The following MTFR1 variants were observed in gnomAD, a reference collection of about 807,000 sequenced individuals.
The protein encoded by MTFR1 is chondrocyte protein with a poly-proline region.
In MTFR1, 28 loss-of-function variants were observed where a neutral mutation model predicts 38.8. That is an observed-to-expected ratio of 0.72 (90% CI 0.53 to 0.99). The LOEUF is 0.99. Ranked by LOEUF, MTFR1 falls within the 50% of genes least tolerant of loss-of-function variation. The pLI, the probability that MTFR1 is intolerant of heterozygous loss-of-function variation, is 0.00. For synonymous variants in MTFR1, 145 were observed against 137.0 expected (o/e 1.06, Z -0.41); for missense variants, 358 against 395.5 (o/e 0.91, Z 0.81).
chr8:65,743,840 T>C (rs1754718605), intron 3 of MTFR1, among the ~76,000 whole-genome samples: 1 of 113,212 alleles, frequency 8.8e-6, no homozygotes, highest in African/African-American at 2.8e-5. Flanking sequence ...GCTGAATTGC[T>C]TTTTTTTTTT....
chr8:65,735,002 G>T, intron 3 of MTFR1: 1 of 717,008 alleles, frequency 1.4e-6, no homozygotes, highest in Non-Finnish European at 2.5e-6. Context: ...TGTAGCTATC[G>T]GCTAAAATCG....
chr8:65,713,481 CACAA>C (rs1202056083), downstream of MTFR1, among the ~76,000 whole-genome samples: 152 of 129,780 alleles, frequency 1.2e-3, no homozygotes, highest in Non-Finnish European at 1.1e-3. Flanking sequence ...CACACACACA[CACAA>C]ACAAAACAAA....
intron 3 of MTFR1, among the ~76,000 whole-genome samples, chr8:65,729,048 AAAGAC>A (rs1460623735): frequency 6.6e-6 from 1 of 152,318 alleles, no homozygotes; most frequent in South Asian, 2.1e-4. Flanking sequence ...ATATTATAAC[AAAGAC>A]AAGGACTTCA....
chr8:65,750,422 CTGTGTGT>C, intron 3 of MTFR1, among the ~76,000 whole-genome samples: 1 of 150,396 alleles, frequency 6.6e-6, no homozygotes, highest in African/African-American at 2.5e-5. Flanking sequence ...ATTAGGATTG[CTGTGTGT>C]GTGTATTAGG....
chr8:65,700,667 G>A (rs1212312188), intron 4 of MTFR1, among the ~76,000 whole-genome samples: 1 of 152,166 alleles, frequency 6.6e-6, no homozygotes, highest in Non-Finnish European at 1.5e-5. Context: ...AAATCACTAA[G>A]CCAAAGGGAA....
intron 4 of MTFR1, among the ~76,000 whole-genome samples, chr8:65,696,526 T>C (rs1051767937): frequency 6.6e-6 from 1 of 152,190 alleles, no homozygotes; most frequent in Non-Finnish European, 1.5e-5. Flanking sequence ...CCAGTTGCCC[T>C]GTTATAGCCA....
At chr8:65,730,908 G>A (rs2128895446) in intron 3 of MTFR1, among the ~76,000 whole-genome samples, 2 of 152,306 alleles carry the variant, frequency 1.3e-5, no homozygotes, top group South Asian at 4.1e-4. Flanking sequence ...GGGCGACAGA[G>A]TGAGACTCCA....
chr8:65,692,237 C>T (rs901271002), intron 3 of MTFR1, among the ~76,000 whole-genome samples: 1 of 152,012 alleles, frequency 6.6e-6, no homozygotes, highest in Non-Finnish European at 1.5e-5. Context: ...AATTATTATT[C>T]GTTGACTTTT....
intron 3 of MTFR1, chr8:65,765,488 C>CAAAAAAAAAAA (rs11342419): frequency 6.7e-5 from 3 of 44,608 alleles, no homozygotes; most frequent in Non-Finnish European, 1.1e-4. Flanking sequence ...GACTCCGTCT[C>CAAAAAAAAAAA]AAAAAAAAAA....
the MTFR1 span, among the ~76,000 whole-genome samples, chr8:65,776,942 A>G: frequency 6.6e-6 from 1 of 152,206 alleles, no homozygotes; most frequent in African/African-American, 2.4e-5. Flanking sequence ...CGCAGAAAGA[A>G]TGTTTTAATA....
rs1342821520 is a variant in MTFR1, at chr8:65,763,029, G to GTC, written c.*49-7917_*49-7916insCT. ...TGTGTGTGTGTGTGTGTGTGTGTGT[G>GTC]TGTGTGTGTATAAAATGAATATACA... On this transcript the variant is annotated intron_variant, in intron 3 of 3. Coordinates refer to the MTFR1 transcript ENST00000521247. 3.1e-3 allele frequency among the ~76,000 whole-genome samples: 455 copies of GTC among 146,202 alleles called. 3 individuals are homozygous for GTC. Among genetic ancestry groups the GTC allele is most frequent in the African/African-American group, 0.011 (432 of 40,110 alleles).
chr8:65,777,280 T>C, the MTFR1 span, among the ~76,000 whole-genome samples: 3 of 152,108 alleles, frequency 2.0e-5, no homozygotes, highest in South Asian at 4.2e-4. Context: ...GGTTTCTCTA[T>C]GTTGGTCAGG....
chr8:65,719,381 C>A, exon 3 of MTFR1: 12 of 1,614,060 alleles, frequency 7.4e-6, no homozygotes, highest in Non-Finnish European at 1.0e-5. Flanking sequence ...TCTCTGCAGT[C>A]CCTTCCAGCT....
In MTFR1 at chr8:65,707,176, C is replaced by G. The variant is rs770110063; in HGVS notation, c.684C>G (p.Asn228Lys). Residue 228 changes from asparagine to lysine, a missense_variant, in exon 6 of 8, where the codon AAC becomes AAG. Physicochemically the swap from Asn to Lys is moderately conservative, Grantham distance 94. Transcript: ENST00000262146. ...ATGCTGGAAAGACTTTGGTTAAGAA[C>G]AATCCAAAGAAACCTGAAATGCCAA... ...RANAGKTLVK[N>K]NPKKPEMPNM... is the part of the protein sequence containing the mutation. 6.2e-7 allele frequency: 1 copy of G among 1,611,654 alleles called. No individual in the cohort carries two copies. Among genetic ancestry groups the G allele is most frequent in the East Asian group, 2.2e-5 (1 of 44,742 alleles).
At chr8:65,735,274 C>T (rs539996861) in intron 3 of MTFR1, among the ~76,000 whole-genome samples, 74 of 152,220 alleles carry the variant, frequency 4.9e-4, no homozygotes, top group African/African-American at 1.7e-3. Flanking sequence ...CACTTGCTTC[C>T]GTCCCATCCT....
chr8:65,707,817 C>G, intron 6 of MTFR1, 26 bp from the exon 7 acceptor site: 2 of 1,609,418 alleles, frequency 1.2e-6, no homozygotes, highest in Non-Finnish European at 1.7e-6. Flanking sequence ...TGATCTGTCC[C>G]CTTGGTTTGT....
At chr8:65,775,645 T>A (rs968686456), downstream of MTFR1, among the ~76,000 whole-genome samples, 20 of 152,384 alleles carry the variant, frequency 1.3e-4, no homozygotes, top group East Asian at 3.7e-3. Flanking sequence ...CCCTTTTCTT[T>A]GAGACGAAGT....
At chr8:65,731,979 T>G (rs910045389) in intron 3 of MTFR1, among the ~76,000 whole-genome samples, 2 of 151,820 alleles carry the variant, frequency 1.3e-5, no homozygotes, top group Non-Finnish European at 2.9e-5. Context: ...TTATTATTAT[T>G]ATTATTATTG....
At chr8:65,775,881 G>A (rs542316991), downstream of MTFR1, among the ~76,000 whole-genome samples, 2 of 152,180 alleles carry the variant, frequency 1.3e-5, no homozygotes, top group South Asian at 2.1e-4. Flanking sequence ...CACCTGCCTC[G>A]GCTTTCCAAA....
Sources: gnomAD v4.1 joint callset for allele counts (sites outside exome capture counted in the v4.1 genomes callset) on GRCh38, gnomAD v4.1.1 for gene constraint, MANE v1.5 for transcripts, NCBI Gene and HGNC (gene_info 2026-07-23, HGNC 2026-07-21) for gene names.